Variants in LRCH1 observed in about 807,000 individuals in gnomAD.
LRCH1 encodes leucine-rich repeat and calponin homology domain-containing protein 1.
In LRCH1, 23 loss-of-function variants were observed where a neutral mutation model predicts 94.9. The observed-to-expected ratio is 0.24, with a 90% confidence interval of 0.17 to 0.34. LRCH1 has a LOEUF of 0.34. Among genes scored for constraint, LRCH1 ranks in the 10% least tolerant of loss-of-function variants. The pLI is 1.00. For synonymous variants in LRCH1, 364 were observed against 354.9 expected (o/e 1.03, Z -0.29); for missense variants, 790 against 945.9 (o/e 0.84, Z 2.16).
chr13:46,679,311 C>CTT (rs1245829188), intron 3 of LRCH1, among the ~76,000 whole-genome samples: 1 of 152,210 alleles, frequency 6.6e-6, no homozygotes, highest in Non-Finnish European at 1.5e-5. Context: ...GGAATGGCAC[C>CTT]TTTTGCTTAT....
Position 46,741,970 on chromosome 13 carries a change from T to G in LRCH1, c.*122T>G, listed in dbSNP as rs2138251878. 6.5e-7 allele frequency: 1 copy of G among 1,539,574 alleles called. No homozygotes were observed. Among genetic ancestry groups the G allele is most frequent in the African/African-American group, 1.4e-5 (1 of 72,808 alleles). On this transcript the variant is annotated 3_prime_UTR_variant, in exon 20 of 20. Transcript: ENST00000389797. ...GTCATGTCTTCAGTTATCTCTCGAG[T>G]TTTGAAGCTGAACAGTAGCAAATCA...
chr13:46,697,588 G>A (rs1224774736), intron 9 of LRCH1, among the ~76,000 whole-genome samples: 1 of 152,144 alleles, frequency 6.6e-6, no homozygotes, highest in Non-Finnish European at 1.5e-5. Flanking sequence ...GCACTAACTA[G>A]ACTGTGAAAA....
intron 2 of LRCH1, among the ~76,000 whole-genome samples, chr13:46,666,526 T>A (rs550237761): frequency 1.3e-5 from 2 of 152,314 alleles, no homozygotes; most frequent in East Asian, 3.9e-4. Flanking sequence ...AGGAAAGATC[T>A]TAACTTGTAT....
chr13:46,586,030 T>C (rs1594264290), intron 1 of LRCH1, among the ~76,000 whole-genome samples: 1 of 152,196 alleles, frequency 6.6e-6, no homozygotes, highest in Non-Finnish European at 1.5e-5. Flanking sequence ...TTTTTACTTT[T>C]GTTTTATTTT....
Position 46,728,886 on chromosome 13 carries a change from C to G in LRCH1, c.1909C>G (p.Leu637Val), listed in dbSNP as rs949430109. The change falls in exon 18 of 20, where the codon CTG becomes GTG. Residue 637 changes from leucine (L) to valine (V), a missense_variant. Coordinates refer to ENST00000389797, the MANE Select transcript of LRCH1 (RefSeq NM_001164211.2). ...ATTGAAGGTCAGTCTACACGAAGAC[C>G]TGGGGGCAGCCCTCATGGATGGTGT... The part of the protein sequence containing the change: ...MRLKVSLHED[L>V]GAALMDGVVL... 2 of 1,613,088 alleles carry G rather than the reference C, an allele frequency of 1.2e-6. No homozygotes were observed. The highest frequency in any genetic ancestry group is 1.3e-5 in the African/African-American group (1 of 74,930).
chr13:46,606,148 A>ATGTGTGTGTGTGTG (rs3991577), intron 1 of LRCH1, among the ~76,000 whole-genome samples: 112 of 148,730 alleles, frequency 7.5e-4, no homozygotes, highest in African/African-American at 2.7e-3. Flanking sequence ...TTTTAACCTT[A>ATGTGTGTGTGTGTG]TGTGTGTGTG....
intron 1 of LRCH1, among the ~76,000 whole-genome samples, chr13:46,639,656 T>C (rs2051135180): frequency 6.6e-6 from 1 of 152,182 alleles, no homozygotes; most frequent in South Asian, 2.1e-4. Flanking sequence ...GCTATCTGCA[T>C]GATTGCTGTT....
At chr13:46,657,916 A>G (rs1201148417) in intron 2 of LRCH1, among the ~76,000 whole-genome samples, 1 of 151,864 alleles carries the variant, frequency 6.6e-6, no homozygotes, top group Non-Finnish European at 1.5e-5. Flanking sequence ...AACTTTGGAT[A>G]GGAAATAGGA....
chr13:46,628,956 T>TAC (rs2050985956), intron 1 of LRCH1, among the ~76,000 whole-genome samples: 3 of 152,234 alleles, frequency 2.0e-5, no homozygotes, highest in Admixed American at 6.5e-5. Flanking sequence ...TCATGGAATG[T>TAC]ACCCATTGGT....
intron 2 of LRCH1, among the ~76,000 whole-genome samples, chr13:46,663,704 GGTCGAGT>G (rs2051478341): frequency 6.6e-6 from 1 of 152,180 alleles, no homozygotes; most frequent in East Asian, 1.9e-4. Flanking sequence ...GTTTACTGTA[GGTCGAGT>G]GCCAAGCACA....
At position 46,602,548 on chromosome 13, in the gene LRCH1, C is replaced by T. The variant is rs376496444; in HGVS notation, c.308-47653C>T. Among the ~76,000 whole-genome samples the T allele has an allele frequency of 3.9e-4, 59 of 152,236 alleles. 1 individual carries two copies. The South Asian group carries it at 3.9e-3, about 10-fold the overall frequency. The stretch of plus-strand genomic sequence containing the variant: ...GGGGATTTAAAAAAACTCATAGGGA[C>T]GTGGTGAGGCTTGACTGAGATAAAT... On this transcript the variant is annotated intron_variant, in intron 1 of 19. Transcript: ENST00000389797.
At chr13:46,620,271 G>A (rs558916802) in intron 1 of LRCH1, among the ~76,000 whole-genome samples, 1 of 152,060 alleles carries the variant, frequency 6.6e-6, no homozygotes, top group South Asian at 2.1e-4. Context: ...AGGCTGAGGT[G>A]GTAGGATCAC....
In LRCH1 at chr13:46,723,212, G is replaced by A. The variant is rs746105457; in HGVS notation, c.1760-9G>A. ...TATATAAAGGCTTTTTTTCCCCTTT[G>A]TATTGTAGTGTTTCTAAGACCTCAG... On this transcript the variant is annotated splice_polypyrimidine_tract_variant and intron_variant, in intron 16 of 19. Coordinates refer to ENST00000389797, the MANE Select transcript of LRCH1 (RefSeq NM_001164211.2). The A allele has an allele frequency of 3.2e-6, 5 of 1,548,532 alleles. No individual in the cohort carries two copies. The highest frequency in any genetic ancestry group is 4.4e-6 in the Non-Finnish European group (5 of 1,124,820).
chr13:46,624,128 C>T (rs904725690), intron 1 of LRCH1, among the ~76,000 whole-genome samples: 3 of 152,120 alleles, frequency 2.0e-5, no homozygotes, highest in African/African-American at 7.2e-5. Flanking sequence ...AAATGATCCT[C>T]CTGCCTCAGC....
intron 3 of LRCH1, among the ~76,000 whole-genome samples, chr13:46,670,713 G>A (rs1303993247): frequency 1.4e-5 from 2 of 146,460 alleles, no homozygotes; most frequent in African/African-American, 5.0e-5. Flanking sequence ...ACGAGGCAGG[G>A]AATGATTAAT....
intron 13 of LRCH1, among the ~76,000 whole-genome samples, chr13:46,708,899 C>G (rs553810762): frequency 3.9e-5 from 6 of 152,256 alleles, no homozygotes; most frequent in African/African-American, 1.2e-4. Context: ...TGAAGTGGGA[C>G]CCGACTCAGT....
intron 2 of LRCH1, among the ~76,000 whole-genome samples, chr13:46,668,166 G>C (rs980563678): frequency 6.6e-6 from 1 of 152,110 alleles, no homozygotes; most frequent in Admixed American, 6.5e-5. Flanking sequence ...TGTGGGGGAG[G>C]AGATTGAAAT....
chr13:46,676,156 C>G lies in LRCH1; in HGVS notation c.580-5585C>G, dbSNP rs78701400. Among the ~76,000 whole-genome samples, 28 of 151,986 alleles carry G rather than the reference C, an allele frequency of 1.8e-4. No individual in the cohort carries two copies. The East Asian group carries it at 5.1e-3, about 27-fold the overall frequency. ...TGCACCTGTAATCTCAGCTACACAG[C>G]AGGCTGAGGGAGGAGAATCGCTTGA... is the stretch of plus-strand genomic sequence containing the variant. On this transcript the variant is annotated intron_variant, in intron 3 of 19. Coordinates refer to ENST00000389797, the MANE Select transcript of LRCH1 (RefSeq NM_001164211.2).
intron 1 of LRCH1, among the ~76,000 whole-genome samples, chr13:46,609,493 C>T (rs1347583642): frequency 6.6e-6 from 1 of 152,046 alleles, no homozygotes. Flanking sequence ...AAACATGTAG[C>T]TACTGATATT....
Sources: allele counts gnomAD v4.1 joint callset (sites outside exome capture counted in the v4.1 genomes callset), GRCh38; gene constraint gnomAD v4.1.1; transcripts MANE v1.5; gene names NCBI Gene and HGNC (gene_info 2026-07-23, HGNC 2026-07-21).